The following CHST8 variants were observed in gnomAD, a reference collection of about 807,000 sequenced individuals.
CHST8 encodes the protein GALNAC-4-ST1.
CHST8 carries 10 observed loss-of-function variants against 15.0 expected under a neutral mutation model. That is an observed-to-expected ratio of 0.67 (90% CI 0.41 to 1.13). The LOEUF is 1.13. CHST8 is among the 50% of genes most tolerant of loss of function. The pLI is 0.00. For synonymous variants in CHST8, 259 were observed against 256.6 expected (o/e 1.01, Z -0.09); for missense variants, 634 against 608.2 (o/e 1.04, Z -0.45).
chr19:33,625,810 C>T (rs896982377), intron 1 of CHST8, among the ~76,000 whole-genome samples: 6 of 152,056 alleles, frequency 3.9e-5, no homozygotes, highest in African/African-American at 1.4e-4. Context: ...TGCAGTGAGC[C>T]GAGATCATGC....
At chr19:33,674,497 C>T (rs1254654700) in intron 2 of CHST8, among the ~76,000 whole-genome samples, 1 of 152,210 alleles carries the variant, frequency 6.6e-6, no homozygotes, top group Non-Finnish European at 1.5e-5. Context: ...GCATGCAGCG[C>T]AGCACTTCTC....
Position 33,769,439 on chromosome 19 carries a change from A to T in CHST8, c.131-1974A>T, listed in dbSNP as rs562974859. Among the ~76,000 whole-genome samples the T allele has an allele frequency of 2.0e-5, 3 of 152,358 alleles. No homozygotes were observed. The East Asian group carries it at 5.8e-4, about 29-fold the overall frequency. Reference sequence around the variant, plus strand: ...AGGTGGTTTAGCAGAGCCAGCTGCCATAACCAGAAGAAAATAATTAAGGAA... The same window carrying T: ...AGGTGGTTTAGCAGAGCCAGCTGCCTTAACCAGAAGAAAATAATTAAGGAA... On this transcript the variant is annotated intron_variant, in intron 3 of 4. Coordinates refer to ENST00000650847, the MANE Select transcript of CHST8 (RefSeq NM_001127895.2).
chr19:33,730,867 G>C (rs866061199), intron 3 of CHST8, among the ~76,000 whole-genome samples: 4 of 152,192 alleles, frequency 2.6e-5, no homozygotes, highest in African/African-American at 9.7e-5. Context: ...AGAGCCCCTG[G>C]CAAACAACTG....
At chr19:33,623,143 G>T (rs1972007675) in intron 1 of CHST8, among the ~76,000 whole-genome samples, 1 of 152,102 alleles carries the variant, frequency 6.6e-6, no homozygotes, top group Admixed American at 6.5e-5. Context: ...CGGGACTCCC[G>T]CCGCCCTAAC....
At chr19:33,683,755 G>A (rs1336054188) in intron 2 of CHST8, among the ~76,000 whole-genome samples, 1 of 152,182 alleles carries the variant, frequency 6.6e-6, no homozygotes, top group African/African-American at 2.4e-5. Context: ...ATGGGGAGAG[G>A]CCTCGATGCG....
At chr19:33,743,758 G>A (rs1394452351) in intron 3 of CHST8, among the ~76,000 whole-genome samples, 1 of 151,490 alleles carries the variant, frequency 6.6e-6, no homozygotes, top group African/African-American at 2.4e-5. Flanking sequence ...ATCAATTACT[G>A]CTCTATCCAA....
At chr19:33,681,943 T>C (rs1972896730) in intron 2 of CHST8, among the ~76,000 whole-genome samples, 1 of 151,486 alleles carries the variant, frequency 6.6e-6, no homozygotes, top group Non-Finnish European at 1.5e-5. Context: ...CTCGCCTCAC[T>C]GCAATCTCCA....
intron 3 of CHST8, among the ~76,000 whole-genome samples, chr19:33,727,116 C>A (rs574940507): frequency 6.6e-6 from 1 of 152,084 alleles, no homozygotes; most frequent in South Asian, 2.1e-4. Context: ...CTTCTGGCCA[C>A]GCGTCCTGCT....
intron 2 of CHST8, among the ~76,000 whole-genome samples, chr19:33,675,123 C>T (rs1600253567): frequency 1.3e-5 from 2 of 152,342 alleles, no homozygotes; most frequent in African/African-American, 4.8e-5. Flanking sequence ...CCTGTGTCCC[C>T]ATCCCTCTTG....
chr19:33,706,708 A>C (rs1194955392), intron 3 of CHST8, among the ~76,000 whole-genome samples: 1 of 152,252 alleles, frequency 6.6e-6, no homozygotes, highest in African/African-American at 2.4e-5. Context: ...ATAATATTTC[A>C]GGTCAAGTGA....
chr19:33,773,329 A>T lies in CHST8; in HGVS notation c.*266A>T. The T allele has an allele frequency of 2.0e-6, 1 of 502,482 alleles. No homozygotes were observed. The highest frequency in any genetic ancestry group is 3.1e-5 in the South Asian group (1 of 32,520). 31.1% of individuals were successfully genotyped at this position (502,482 alleles called of 1,614,324 possible). A position where few individuals can be genotyped will look rare whatever the true frequency, so the allele number is the denominator to read the frequency against. On this transcript the variant is annotated 3_prime_UTR_variant, in exon 5 of 5. Coordinates refer to ENST00000650847, the MANE Select transcript of CHST8 (RefSeq NM_001127895.2). Reference sequence around the variant, plus strand: ...GGCAGACACCCCTGGAGCTCAGCCGACAGTTTTGATGAGCAGGGAAGTCTG... The same window carrying T: ...GGCAGACACCCCTGGAGCTCAGCCGTCAGTTTTGATGAGCAGGGAAGTCTG...
intron 1 of CHST8, among the ~76,000 whole-genome samples, chr19:33,655,833 A>C (rs1972504199): frequency 1.3e-5 from 2 of 152,114 alleles, no homozygotes; most frequent in Non-Finnish European, 2.9e-5. Context: ...TTTTCTAAGA[A>C]GCAGCTGTCA....
chr19:33,745,363 T>A (rs1974293459), intron 3 of CHST8, among the ~76,000 whole-genome samples: 1 of 152,252 alleles, frequency 6.6e-6, no homozygotes, highest in Non-Finnish European at 1.5e-5. Flanking sequence ...TGGTACGCCA[T>A]CCTAGTTTAT....
intron 1 of CHST8, among the ~76,000 whole-genome samples, chr19:33,626,783 C>CTTTTTTT (rs373066494): frequency 7.5e-6 from 1 of 133,480 alleles, no homozygotes; most frequent in African/African-American, 2.8e-5. Flanking sequence ...TTTTTTTTTC[C>CTTTTTTT]TTTTTTTTTT....
chr19:33,760,261 G>A (rs976034310), intron 3 of CHST8, among the ~76,000 whole-genome samples: 2 of 3,298 alleles, frequency 6.1e-4, no homozygotes, highest in Non-Finnish European at 1.6e-3. Flanking sequence ...AGCCATCATG[G>A]TTGCCCTTCC....
chr19:33,693,658 G>T lies in CHST8; in HGVS notation c.130+4267G>T, dbSNP rs75973160. Among the ~76,000 whole-genome samples the T allele has an allele frequency of 9.0e-4, 137 of 152,240 alleles. 3 individuals are homozygous for T. In the East Asian group the frequency reaches 0.026, roughly 29 times the overall value. On this transcript the variant is annotated intron_variant, in intron 3 of 4. Coordinates refer to ENST00000650847, the MANE Select transcript of CHST8 (RefSeq NM_001127895.2). ...TGTAAATTGAGATTTGGCTGATTGG[G>T]CCTGTCTGATAAGGATTCACGTTGT...
At chr19:33,654,816 A>G (rs966920341) in intron 1 of CHST8, among the ~76,000 whole-genome samples, 11 of 152,108 alleles carry the variant, frequency 7.2e-5, no homozygotes, top group Non-Finnish European at 1.3e-4. Flanking sequence ...GCCCTGACTG[A>G]ATCTCCTGTG....
rs1054854221 is a variant in CHST8 at position 33,667,797 on chromosome 19, A to T, written c.-133A>T. The T allele has an allele frequency of 6.6e-6, 1 of 152,182 alleles. No homozygotes were observed. Among genetic ancestry groups the T allele is most frequent in the African/African-American group, 2.4e-5 (1 of 41,448 alleles). 9.4% of individuals were successfully genotyped at this position (152,182 alleles called of 1,614,324 possible). A position where few individuals can be genotyped will look rare whatever the true frequency, so the allele number is the denominator to read the frequency against. ...AAGGTCAACAAGAATATCTTACCTT[A>T]ATTTGACAAGTACGCAAGAAATAAT... On this transcript the variant is annotated 5_prime_UTR_variant, in exon 2 of 5. Coordinates refer to ENST00000650847, the MANE Select transcript of CHST8 (RefSeq NM_001127895.2).
At chr19:33,749,238 C>A (rs981904308) in intron 3 of CHST8, among the ~76,000 whole-genome samples, 1 of 152,128 alleles carries the variant, frequency 6.6e-6, no homozygotes, top group African/African-American at 2.4e-5. Flanking sequence ...CCAGGGACAA[C>A]TGAGTTTGAT....
Sources: allele counts gnomAD v4.1 joint callset (sites outside exome capture counted in the v4.1 genomes callset), GRCh38; gene constraint gnomAD v4.1.1; transcripts MANE v1.5; gene names NCBI Gene and HGNC (gene_info 2026-07-23, HGNC 2026-07-21).